NLGN4X: variants seen among roughly 807,000 people sequenced by gnomAD.
The protein encoded by NLGN4X is neuroligin 4 X-linked, also known as neuroligin-4, X-linked.
Under a neutral mutation model 40.3 loss-of-function variants are expected in NLGN4X, and 3 were observed. The ratio of observed to expected loss-of-function variants is 0.07; its 90% confidence interval spans 0.03 to 0.19. NLGN4X has a LOEUF of 0.19. Among genes scored for constraint, NLGN4X ranks in the 10% least tolerant of loss-of-function variants. NLGN4X has a pLI of 1.00. For missense variants in NLGN4X, 382 were observed against 708.3 expected, an observed-to-expected ratio of 0.54 and a Z score of 5.23; for synonymous variants, 270 against 306.8, an observed-to-expected ratio of 0.88 and a Z score of 1.25.
intron 2 of NLGN4X, among the ~76,000 whole-genome samples, chrX:6,099,911 GAGGAATTAAAGACAC>G (rs1364230410): frequency 7.1e-5 from 8 of 112,037 alleles, no homozygotes; most frequent in Non-Finnish European, 1.5e-4. Flanking sequence ...AGCAGCGCTA[GAGGAATTAAAGACAC>G]ACAGAAATAT....
intron 1 of NLGN4X, among the ~76,000 whole-genome samples, chrX:6,172,962 G>A (rs1303069803): frequency 1.8e-5 from 2 of 112,282 alleles, no homozygotes; most frequent in African/African-American, 6.5e-5. Flanking sequence ...TATGCAGAGT[G>A]TAGACAATTC....
At chrX:5,926,789 TACACACACACACAC>T (rs3072083) in intron 3 of NLGN4X, among the ~76,000 whole-genome samples, 10 of 93,055 alleles carry the variant, frequency 1.1e-4, no homozygotes, top group South Asian at 1.1e-3. Flanking sequence ...CTAGAGAGCA[TACACACACACACAC>T]ACACACACAC....
In NLGN4X at chrX:6,197,907, A is replaced by G. The variant is rs183843133; in HGVS notation, c.-306+30634T>C. The stretch of plus-strand genomic sequence containing the variant: ...GGCGAAACTCTGTCTCTACAAAAAA[A>G]TACAAAAATTAGCGAGGTTTGGTGG... On this transcript the variant is annotated intron_variant, in intron 1 of 5. Coordinates refer to ENST00000381095, the MANE Select transcript of NLGN4X (RefSeq NM_181332.3). Among the ~76,000 whole-genome samples the G allele has an allele frequency of 1.4e-3, 152 of 109,551 alleles. 1 individual carries two copies. The highest frequency in any genetic ancestry group is 4.7e-3 in the African/African-American group (140 of 30,050).
chrX:6,222,325 C>A (rs977908495), intron 1 of NLGN4X, among the ~76,000 whole-genome samples: 1 of 111,406 alleles, frequency 9.0e-6, no homozygotes, highest in African/African-American at 3.3e-5. Context: ...CAATCAGGTA[C>A]CAGCCTCTTA....
chrX:6,150,716 C>T (rs1159874433), intron 2 of NLGN4X, among the ~76,000 whole-genome samples: 1 of 111,725 alleles, frequency 9.0e-6, no homozygotes, highest in South Asian at 3.7e-4. Flanking sequence ...TATTTATTTT[C>T]ATCTGCAAAT....
At chrX:6,159,254 G>A (rs751213560) in intron 1 of NLGN4X, among the ~76,000 whole-genome samples, 1 of 111,705 alleles carries the variant, frequency 9.0e-6, no homozygotes, top group South Asian at 3.8e-4. Flanking sequence ...CTGAAAGGTA[G>A]GAGAGAGGGA....
At chrX:5,975,728 C>G (rs961790946) in intron 3 of NLGN4X, among the ~76,000 whole-genome samples, 10 of 108,466 alleles carry the variant, frequency 9.2e-5, no homozygotes, top group Non-Finnish European at 1.3e-4. Context: ...AAAACTTTTA[C>G]TAGGGTACTG....
chrX:6,088,284 T>G (rs1342159454), intron 2 of NLGN4X, among the ~76,000 whole-genome samples: 1 of 112,404 alleles, frequency 8.9e-6, no homozygotes, highest in Non-Finnish European at 1.9e-5. Context: ...ATTGTCTTTC[T>G]TAAGCCCCTG....
At chrX:5,916,145 C>A (rs2032785500) in intron 3 of NLGN4X, among the ~76,000 whole-genome samples, 1 of 110,749 alleles carries the variant, frequency 9.0e-6, no homozygotes. Context: ...AACTTCTGAC[C>A]CAGGAGTCCT....
intron 3 of NLGN4X, among the ~76,000 whole-genome samples, chrX:5,942,148 C>T (rs1333181414): frequency 9.1e-6 from 1 of 109,812 alleles, no homozygotes; most frequent in Admixed American, 9.7e-5. Context: ...CCCAGCTACT[C>T]GGGAGGCTGA....
At chrX:6,010,594 T>A (rs1191587693) in intron 3 of NLGN4X, among the ~76,000 whole-genome samples, 1 of 106,387 alleles carries the variant, frequency 9.4e-6, no homozygotes, top group African/African-American at 3.4e-5. Context: ...AGTGGTACAA[T>A]CTCAGCTCAT....
chrX:6,176,253 C>T (rs886086417), intron 1 of NLGN4X, among the ~76,000 whole-genome samples: 2 of 112,313 alleles, frequency 1.8e-5, no homozygotes, highest in African/African-American at 6.5e-5. Context: ...CCCTTGACCA[C>T]AACACTGCCT....
intron 3 of NLGN4X, among the ~76,000 whole-genome samples, chrX:5,935,142 A>G (rs973524363): frequency 6.0e-4 from 67 of 112,233 alleles, no homozygotes; most frequent in African/African-American, 2.0e-3. Context: ...ACAAATACAA[A>G]AACAGTATTA....
chrX:5,933,527 G>A (rs1208089502), intron 3 of NLGN4X, among the ~76,000 whole-genome samples: 3 of 111,629 alleles, frequency 2.7e-5, no homozygotes, highest in Non-Finnish European at 5.7e-5. Flanking sequence ...ATATTATGTT[G>A]TTAAATTTAT....
intron 3 of NLGN4X, among the ~76,000 whole-genome samples, chrX:5,988,614 C>T (rs1271138128): frequency 2.7e-5 from 3 of 112,030 alleles, no homozygotes; most frequent in Non-Finnish European, 5.6e-5. Context: ...ACTAAACAGA[C>T]TTTAAAAGGT....
chrX:5,902,980 G>A lies in NLGN4X; in HGVS notation c.1601+97C>T, dbSNP rs774030492. On this transcript the variant is annotated intron_variant, in intron 5 of 5. Transcript: ENST00000381095. Reference sequence around the variant, plus strand: ...CATGCATGTGTATGTGTGTGTATGCGTGTGTGCTCCTGCACGTGGCAGTAG... The same window carrying A: ...CATGCATGTGTATGTGTGTGTATGCATGTGTGCTCCTGCACGTGGCAGTAG... 410 of 972,410 alleles carry A rather than the reference G, an allele frequency of 4.2e-4. 1 individual carries two copies. Among genetic ancestry groups the A allele is most frequent in the South Asian group, 4.0e-3 (207 of 51,150 alleles). 80.1% of individuals were successfully genotyped at this position (972,410 alleles called of 1,213,427 possible).
At chrX:5,953,499 C>T (rs1264541590) in intron 3 of NLGN4X, among the ~76,000 whole-genome samples, 1 of 111,885 alleles carries the variant, frequency 8.9e-6, no homozygotes, top group Non-Finnish European at 1.9e-5. Flanking sequence ...GGGATAAATA[C>T]TTGAGGTGAT....
At chrX:6,109,855 T>C (rs1268779858) in intron 2 of NLGN4X, among the ~76,000 whole-genome samples, 4 of 112,125 alleles carry the variant, frequency 3.6e-5, no homozygotes, top group African/African-American at 1.3e-4. Flanking sequence ...TGCAAACCTT[T>C]TTCCAAACCT....
chrX:6,212,478 T>C (rs889060729), intron 1 of NLGN4X, among the ~76,000 whole-genome samples: 4 of 111,493 alleles, frequency 3.6e-5, no homozygotes, highest in Middle Eastern at 4.2e-3. Context: ...GCCATTCATC[T>C]ACCCTGATCA....
Sources: allele counts gnomAD v4.1 joint callset (sites outside exome capture counted in the v4.1 genomes callset), GRCh38; gene constraint gnomAD v4.1.1; transcripts MANE v1.5; gene names NCBI Gene and HGNC (gene_info 2026-07-23, HGNC 2026-07-21).